The following CDH22 variants were observed in gnomAD, a reference collection of about 807,000 sequenced individuals.
CDH22 encodes cadherin 22.
Under a neutral mutation model 58.4 loss-of-function variants are expected in CDH22, and 30 were observed. That is an observed-to-expected ratio of 0.51 (90% CI 0.38 to 0.70). The LOEUF (loss-of-function observed/expected upper bound fraction) is 0.70. Ranked by LOEUF, CDH22 falls within the 30% of genes least tolerant of loss-of-function variation. The pLI, the probability that CDH22 is intolerant of heterozygous loss-of-function variation, is 0.00. For missense variants in CDH22, 1,014 were observed against 1,233.9 expected (o/e 0.82, Z 2.67); for synonymous variants, 513 against 558.2 (o/e 0.92, Z 1.14).
At chr20:46,246,233 A>G (rs1360513205) in intron 2 of CDH22, among the ~76,000 whole-genome samples, 1 of 152,216 alleles carries the variant, frequency 6.6e-6, no homozygotes, top group Non-Finnish European at 1.5e-5. Flanking sequence ...CAAATCAAAT[A>G]AAAAGCCTCC....
At chr20:46,231,876 G>C (rs1452362175) in intron 3 of CDH22, among the ~76,000 whole-genome samples, 3 of 152,158 alleles carry the variant, frequency 2.0e-5, no homozygotes, top group African/African-American at 7.2e-5. Flanking sequence ...TTCCTCACCT[G>C]TAACATTAAG....
intron 1 of CDH22, among the ~76,000 whole-genome samples, chr20:46,274,995 G>C (rs2086510423): frequency 6.6e-6 from 1 of 152,182 alleles, no homozygotes; most frequent in Non-Finnish European, 1.5e-5. Context: ...GGGGTGAAAG[G>C]AATGTTCTGC....
At chr20:46,177,910 A>G in intron 11 of CDH22, 36 bp downstream of exon 11, 2 of 1,605,406 alleles carry the variant, frequency 1.2e-6, no homozygotes, top group Non-Finnish European at 8.5e-7. Flanking sequence ...GGATGGGGCC[A>G]ATCAGGCAGG....
At chr20:46,196,017 G>T (rs1187706125) in intron 8 of CDH22, among the ~76,000 whole-genome samples, 1 of 152,160 alleles carries the variant, frequency 6.6e-6, no homozygotes, top group Non-Finnish European at 1.5e-5. Context: ...TTCTGTTTTT[G>T]AGGAAGCCAA....
intron 2 of CDH22, among the ~76,000 whole-genome samples, chr20:46,247,158 C>T (rs1250156147): frequency 1.3e-5 from 2 of 152,068 alleles, no homozygotes; most frequent in East Asian, 1.9e-4. Context: ...TGGAACTATC[C>T]ATAATAGTGA....
chr20:46,221,068 T>C (rs190723393), intron 4 of CDH22, among the ~76,000 whole-genome samples: 31 of 152,186 alleles, frequency 2.0e-4, no homozygotes, highest in South Asian at 6.2e-4. Flanking sequence ...CCTGAGACCA[T>C]TGTACTGTGA....
chr20:46,268,659 G>A (rs2425822), intron 1 of CDH22, among the ~76,000 whole-genome samples: 59,755 of 152,068 alleles, frequency 0.39, 12,225 homozygotes, highest in Middle Eastern at 0.6. Context: ...CAGCACGGCC[G>A]GCCGCTTTCT....
intron 1 of CDH22, among the ~76,000 whole-genome samples, chr20:46,253,994 A>G (rs1283752771): frequency 1.3e-5 from 2 of 152,200 alleles, no homozygotes; most frequent in African/African-American, 4.8e-5. Flanking sequence ...ATGGGAGGCA[A>G]GAGATCCATT....
intron 1 of CDH22, among the ~76,000 whole-genome samples, chr20:46,282,462 A>G (rs1170025956): frequency 1.3e-5 from 2 of 152,196 alleles, no homozygotes; most frequent in East Asian, 3.8e-4. Context: ...AAAAAGGGAA[A>G]GGAAAAAATG....
intron 1 of CDH22, among the ~76,000 whole-genome samples, chr20:46,264,502 T>C (rs984474606): frequency 2.0e-5 from 3 of 152,174 alleles, no homozygotes; most frequent in Non-Finnish European, 4.4e-5. Flanking sequence ...AATGATCTGA[T>C]TGAATCCTCA....
chr20:46,200,030 A>G (rs1409561745), intron 7 of CDH22, among the ~76,000 whole-genome samples: 2 of 151,200 alleles, frequency 1.3e-5, no homozygotes, highest in Non-Finnish European at 2.9e-5. Context: ...CTGGAGTGCA[A>G]TGGCACCATC....
At chr20:46,235,409 C>T (rs2086245684) in intron 3 of CDH22, among the ~76,000 whole-genome samples, 1 of 152,154 alleles carries the variant, frequency 6.6e-6, no homozygotes, top group Admixed American at 6.6e-5. Context: ...CTGTAAATTC[C>T]CTCTCTCTGC....
At chr20:46,254,928 T>G (rs954243599) in intron 1 of CDH22, among the ~76,000 whole-genome samples, 1 of 152,128 alleles carries the variant, frequency 6.6e-6, no homozygotes, top group Non-Finnish European at 1.5e-5. Context: ...CATGTGGAAT[T>G]TGGGGTGTTG....
In CDH22 at chr20:46,300,250, C is replaced by G. The variant is rs943294199; in HGVS notation, c.-400+8005G>C. Among the ~76,000 whole-genome samples, 1 of 152,184 alleles carries G rather than the reference C, an allele frequency of 6.6e-6. No individual in the cohort carries two copies. Among genetic ancestry groups the G allele is most frequent in the Admixed American group, 6.5e-5 (1 of 15,280 alleles). Reference sequence around the variant, plus strand: ...GGGTGGGCTGCCTCTCCCAGGAACTCTCTGTTGTCCCTGAATACACAATTT... The same window carrying G: ...GGGTGGGCTGCCTCTCCCAGGAACTGTCTGTTGTCCCTGAATACACAATTT... On this transcript the variant is annotated intron_variant, in intron 1 of 11. Transcript: ENST00000537909. The surrounding 1 kb of genome is among the most constrained non-coding windows in gnomAD (Gnocchi z 4.4).
rs893697643 is a variant in CDH22 at position 46,300,446 on chromosome 20, G to A, written c.-400+7809C>T. ...CGGGCCCATCCACCTTATGTCCCCC[G>A]CCTGCCTGGTGCCTGTCACTCTGCC... On this transcript the variant is annotated intron_variant, in intron 1 of 11. Transcript: ENST00000537909. The surrounding 1 kb of genome is among the most constrained non-coding windows in gnomAD (Gnocchi z 4.4). Among the ~76,000 whole-genome samples the A allele has an allele frequency of 5.3e-5, 8 of 152,022 alleles. No individual in the cohort carries two copies. The highest frequency in any genetic ancestry group is 7.4e-5 in the Non-Finnish European group (5 of 68,002).
chr20:46,301,650 A>C (rs2086652659), intron 1 of CDH22, among the ~76,000 whole-genome samples: 1 of 151,896 alleles, frequency 6.6e-6, no homozygotes. Context: ...GTCTCTACTA[A>C]AAATACAAAA....
chr20:46,299,676 T>C (rs1464714813), intron 1 of CDH22, among the ~76,000 whole-genome samples: 1 of 152,278 alleles, frequency 6.6e-6, no homozygotes, highest in Non-Finnish European at 1.5e-5. Context: ...CTAGGGCTCA[T>C]AGAGCACTGA....
intron 5 of CDH22, among the ~76,000 whole-genome samples, chr20:46,215,580 T>G (rs2086078070): frequency 6.6e-6 from 1 of 152,154 alleles, no homozygotes; most frequent in Admixed American, 6.5e-5. Flanking sequence ...GCTTCTGGGG[T>G]CCTGGCTGGT....
chr20:46,293,170 C>T (rs1277139782), intron 1 of CDH22, among the ~76,000 whole-genome samples: 1 of 152,206 alleles, frequency 6.6e-6, no homozygotes, highest in Non-Finnish European at 1.5e-5. Flanking sequence ...CTCTTGCTGT[C>T]ATCTGGTCTG....
Sources: allele counts gnomAD v4.1 joint callset (sites outside exome capture counted in the v4.1 genomes callset), GRCh38; gene constraint gnomAD v4.1.1; non-coding constraint Gnocchi (gnomAD v3.1); transcripts MANE v1.5; gene names NCBI Gene and HGNC (gene_info 2026-07-23, HGNC 2026-07-21).